Variants in RANBP2 observed in about 807,000 individuals in gnomAD.
RANBP2 encodes the protein RAN binding protein 2.
A neutral mutation model predicts 303.6 loss-of-function variants in RANBP2; 57 were observed. That is an observed-to-expected ratio of 0.19 (90% confidence interval 0.15 to 0.23). The LOEUF is 0.23. Among genes scored for constraint, RANBP2 ranks in the 10% least tolerant of loss-of-function variants. RANBP2 has a pLI of 1.00. For synonymous variants in RANBP2, 1,167 were observed against 1,301.5 expected, an observed-to-expected ratio of 0.90 and a Z score of 2.23; for missense variants, 3,138 against 3,780.8, an observed-to-expected ratio of 0.83 and a Z score of 4.46.
chr2:109,318,648 G>C, the RANBP2 span, among the ~76,000 whole-genome samples: 3 of 152,194 alleles, frequency 2.0e-5, no homozygotes, highest in Non-Finnish European at 4.4e-5. Context: ...CTTGTCAGCT[G>C]TGAGATCAGA....
the RANBP2 span, among the ~76,000 whole-genome samples, chr2:109,042,980 G>A: frequency 2.6e-5 from 4 of 152,328 alleles, no homozygotes; most frequent in African/African-American, 7.2e-5. Flanking sequence ...AGTAATAACT[G>A]TCCCGAATTC....
chr2:108,898,920 G>C, the RANBP2 span, among the ~76,000 whole-genome samples: 1 of 152,142 alleles, frequency 6.6e-6, no homozygotes, highest in African/African-American at 2.4e-5. Context: ...AGAGCCTTAG[G>C]GAACTGTGGA....
At chr2:109,687,828 A>T in the RANBP2 span, among the ~76,000 whole-genome samples, 8 of 150,530 alleles carry the variant, frequency 5.3e-5, no homozygotes, top group African/African-American at 2.0e-4. Flanking sequence ...CTGCAGCCTC[A>T]GACCTCCCGG....
downstream of RANBP2, chr2:108,789,042 A>T: frequency 6.6e-7 from 1 of 1,521,374 alleles, no homozygotes; most frequent in Non-Finnish European, 9.1e-7. Flanking sequence ...AGGGCAGGTT[A>T]TATTTTTGCT....
the RANBP2 span, among the ~76,000 whole-genome samples, chr2:108,862,196 A>G: frequency 6.9e-6 from 1 of 145,720 alleles, no homozygotes; most frequent in Non-Finnish European, 1.5e-5. Flanking sequence ...CATGCCACTT[A>G]AAAAAAAAAC....
chr2:109,357,190 T>G, the RANBP2 span, among the ~76,000 whole-genome samples: 4,860 of 137,454 alleles, frequency 0.035, 107 homozygotes, highest in Middle Eastern at 0.05. Flanking sequence ...TGTTTTTTGG[T>G]TTTTTTTTTG....
the RANBP2 span, among the ~76,000 whole-genome samples, chr2:109,682,806 C>T: frequency 6.6e-6 from 1 of 152,126 alleles, no homozygotes; most frequent in Non-Finnish European, 1.5e-5. Flanking sequence ...AAAACCCAAC[C>T]CATATCACAG....
chr2:109,078,104 A>AGCG, the RANBP2 span, among the ~76,000 whole-genome samples: 29 of 88,390 alleles, frequency 3.3e-4, 1 homozygote, highest in African/African-American at 9.4e-4. Context: ...ATATATATAT[A>AGCG]TATATATATA....
the RANBP2 span, among the ~76,000 whole-genome samples, chr2:109,365,690 T>C: frequency 8.5e-5 from 13 of 152,218 alleles, no homozygotes; most frequent in African/African-American, 2.9e-4. Flanking sequence ...ACAGACACTG[T>C]TTTATTTCAT....
the RANBP2 span, among the ~76,000 whole-genome samples, chr2:109,007,825 AAAAAC>A: frequency 6.6e-6 from 1 of 152,122 alleles, no homozygotes; most frequent in Non-Finnish European, 1.5e-5. Flanking sequence ...TGGAAATAGC[AAAAAC>A]AAAACAAAAC....
At chr2:109,461,390 G>T in the RANBP2 span, among the ~76,000 whole-genome samples, 1 of 151,914 alleles carries the variant, frequency 6.6e-6, no homozygotes, top group Non-Finnish European at 1.5e-5. Context: ...GACCTGCGCG[G>T]TGATCCACCT....
chr2:109,497,043 AG>A, the RANBP2 span, among the ~76,000 whole-genome samples: 1 of 152,244 alleles, frequency 6.6e-6, no homozygotes, highest in Admixed American at 6.5e-5. Context: ...AGCCTGCAGG[AG>A]GAACCAGCCT....
chr2:108,798,552 A>G, the RANBP2 span: 13 of 1,613,140 alleles, frequency 8.1e-6, no homozygotes, highest in Non-Finnish European at 1.1e-5. Context: ...GGTGTTGAAG[A>G]AGAGGTTCTT....
the RANBP2 span, among the ~76,000 whole-genome samples, chr2:109,686,750 C>T: frequency 6.6e-6 from 1 of 151,994 alleles, no homozygotes; most frequent in Non-Finnish European, 1.5e-5. Context: ...TAGCTGGGAC[C>T]AGATGTGTGT....
At chr2:109,200,977 C>T in the RANBP2 span, among the ~76,000 whole-genome samples, 1 of 152,174 alleles carries the variant, frequency 6.6e-6, no homozygotes, top group African/African-American at 2.4e-5. Flanking sequence ...GGCACCCGGG[C>T]TGCTGCTGGG....
chr2:109,469,536 G>C, the RANBP2 span, among the ~76,000 whole-genome samples: 1 of 152,074 alleles, frequency 6.6e-6, no homozygotes, highest in African/African-American at 2.4e-5. Context: ...ACAAAACTTA[G>C]GCTGCCTAGA....
the RANBP2 span, chr2:109,615,137 G>A: frequency 1.9e-6 from 3 of 1,549,702 alleles, no homozygotes; most frequent in East Asian, 2.4e-5. Context: ...CCCCGCAGCT[G>A]AAGAGGAGCG....
the RANBP2 span, among the ~76,000 whole-genome samples, chr2:109,348,903 C>G: frequency 5.9e-5 from 9 of 152,068 alleles, no homozygotes; most frequent in African/African-American, 1.4e-4. Flanking sequence ...CTTCCCACCT[C>G]CCTACACAGG....
the RANBP2 span, among the ~76,000 whole-genome samples, chr2:108,835,622 G>A: frequency 1.3e-5 from 2 of 152,016 alleles, no homozygotes; most frequent in African/African-American, 2.4e-5. Flanking sequence ...TCTTTTTCTG[G>A]TCCACCCATA....
Sources: allele counts gnomAD v4.1 joint callset (sites outside exome capture counted in the v4.1 genomes callset), GRCh38; gene constraint gnomAD v4.1.1; transcripts MANE v1.5; gene names NCBI Gene and HGNC (gene_info 2026-07-23, HGNC 2026-07-21).